KIF20B: variants seen among roughly 807,000 people sequenced by gnomAD.
The protein encoded by KIF20B is kinesin family member 20B, also known as kinesin-like protein KIF20B.
Under a neutral mutation model 232.5 loss-of-function variants are expected in KIF20B, and 188 were observed. That is an observed-to-expected ratio of 0.81 (90% CI 0.72 to 0.91). The LOEUF (loss-of-function observed/expected upper bound fraction) is 0.91. Among genes scored for constraint, KIF20B ranks in the 40% least tolerant of loss-of-function variants. KIF20B has a pLI of 0.00. For synonymous variants in KIF20B, 712 were observed against 683.0 expected (o/e 1.04, Z -0.66); for missense variants, 2,154 against 2,055.9 (o/e 1.05, Z -0.92).
intron 26 of KIF20B, among the ~76,000 whole-genome samples, chr10:89,757,038 GTGTATATATATA>G (rs1226280835): frequency 1.3e-5 from 1 of 79,074 alleles, no homozygotes; most frequent in African/African-American, 4.1e-5. Context: ...GTGTGTGTGT[GTGTATATATATA>G]TATATATATA....
Position 89,719,461 on chromosome 10 carries a change from T to C in KIF20B, c.1477T>C (p.Phe493Leu). 6.2e-7 allele frequency: 1 copy of C among 1,600,288 alleles called. No individual in the cohort carries two copies. ...TTTAAATTCCTCTCAAGAGAAATTA[T>C]TTGGACCTGTCAAATCTTCTCAAGA... ...DTLNSSQEKLFGPVKSSQDVS... is the reference protein window; with the variant it reads ...DTLNSSQEKLLGPVKSSQDVS... The change falls in exon 13 of 33, where the codon TTT becomes CTT. Residue 493 changes from phenylalanine (F) to leucine (L), a missense_variant. Phe to Leu is a conservative substitution (Grantham distance 22, BLOSUM62 0). Transcript: ENST00000371728.
intron 26 of KIF20B, among the ~76,000 whole-genome samples, chr10:89,755,573 C>T (rs1348641390): frequency 6.6e-6 from 1 of 151,182 alleles, no homozygotes; most frequent in Non-Finnish European, 1.5e-5. Flanking sequence ...CATCCCCTTC[C>T]CCTTCCCTTT....
rs1842934979 is a variant in KIF20B at position 89,716,416 on chromosome 10, A to AT, written c.941-19dup. On this transcript the variant is annotated intron_variant, in intron 8 of 32. Transcript: ENST00000371728. ...TCTTTGTCTCAATAAATTAATATAT[A>AT]TCCTCTTTATTTTTTAAAGATCTAC... 1.0e-6 allele frequency: 1 copy of AT among 1,002,480 alleles called. No homozygotes were observed. 62.1% of individuals were successfully genotyped at this position (1,002,480 alleles called of 1,614,324 possible).
intron 2 of KIF20B, 117 bp downstream of exon 2, chr10:89,705,558 GT>G: frequency 1.2e-6 from 1 of 828,752 alleles, no homozygotes; most frequent in Non-Finnish European, 1.8e-6. Flanking sequence ...GCTAAGAATT[GT>G]TTTTATATTT....
chr10:89,757,040 G>GTGTGTGTGTGTATA (rs1301847520), intron 26 of KIF20B, among the ~76,000 whole-genome samples: 4 of 110,748 alleles, frequency 3.6e-5, no homozygotes, highest in African/African-American at 1.0e-4. Context: ...GTGTGTGTGT[G>GTGTGTGTGTGTATA]TATATATATA....
At chr10:89,769,001 G>A in intron 31 of KIF20B, 113 bp downstream of exon 31, 1 of 849,318 alleles carries the variant, frequency 1.2e-6, no homozygotes, top group Non-Finnish European at 1.8e-6. Flanking sequence ...CTTCAAATAG[G>A]CATTGTCCTA....
At chr10:89,729,268 T>G in intron 18 of KIF20B, 21 bp downstream of exon 18, 1 of 1,447,652 alleles carries the variant, frequency 6.9e-7, no homozygotes, top group Non-Finnish European at 9.2e-7. Flanking sequence ...AACCTTGTGT[T>G]ATATTAATAA....
At chr10:89,762,384 A>T (rs563659453) in intron 28 of KIF20B, among the ~76,000 whole-genome samples, 1 of 152,294 alleles carries the variant, frequency 6.6e-6, no homozygotes, top group African/African-American at 2.4e-5. Context: ...GGAGTCTTTT[A>T]AACAAATTCT....
At chr10:89,773,314 G>A (rs116411520) in intron 32 of KIF20B, among the ~76,000 whole-genome samples, 3,033 of 152,006 alleles carry the variant, frequency 0.02, 36 homozygotes, top group African/African-American at 0.036. Context: ...CTGTCACAGG[G>A]AAAGCTCAAA....
intron 30 of KIF20B, 49 bp downstream of exon 30, chr10:89,768,440 G>A (rs1191777110): frequency 8.9e-7 from 1 of 1,118,696 alleles, no homozygotes; most frequent in African/African-American, 1.6e-5. Flanking sequence ...CAGAAATCCA[G>A]TTGTGTTCAA....
chr10:89,725,331 A>T (rs1415161866), intron 15 of KIF20B, among the ~76,000 whole-genome samples, 173 bp downstream of exon 15: 1 of 151,904 alleles, frequency 6.6e-6, no homozygotes, highest in Non-Finnish European at 1.5e-5. Context: ...CAAGAATTTA[A>T]ATATAATGAT....
intron 21 of KIF20B, among the ~76,000 whole-genome samples, chr10:89,742,505 T>C (rs1841820909): frequency 6.6e-6 from 1 of 152,184 alleles, no homozygotes; most frequent in African/African-American, 2.4e-5. Context: ...GCACATAGCC[T>C]CTATTATTGT....
At chr10:89,767,607 C>T (rs1302296699) in intron 29 of KIF20B, among the ~76,000 whole-genome samples, 1 of 151,998 alleles carries the variant, frequency 6.6e-6, no homozygotes, top group Non-Finnish European at 1.5e-5. Flanking sequence ...GGATTTGCAG[C>T]AGTTCAAGTC....
At chr10:89,756,387 C>T (rs1394474945) in intron 26 of KIF20B, among the ~76,000 whole-genome samples, 3 of 152,148 alleles carry the variant, frequency 2.0e-5, no homozygotes, top group Non-Finnish European at 4.4e-5. Flanking sequence ...CCAGTGGTTT[C>T]TCTGGTAGCA....
chr10:89,711,188 C>T (rs755030071), intron 6 of KIF20B, 43 bp downstream of exon 6: 9 of 1,243,294 alleles, frequency 7.2e-6, no homozygotes, highest in African/African-American at 1.5e-5. Context: ...TAATTCCTGA[C>T]TTCTTATAAA....
Position 89,739,081 on chromosome 10 carries a change from G to C in KIF20B, c.3900G>C (p.Lys1300Asn). 2 of 1,612,584 alleles carry C rather than the reference G, an allele frequency of 1.2e-6. No individual in the cohort carries two copies. The highest frequency in any genetic ancestry group is 1.7e-6 in the Non-Finnish European group (2 of 1,179,370). Residue 1300 changes from lysine to asparagine, a missense_variant, in exon 21 of 33, where the codon AAG becomes AAC. Transcript: ENST00000371728. Reference protein sequence around the residue: ...EKLTDAKKQIKQVQKEVSVMR... With the variant: ...EKLTDAKKQINQVQKEVSVMR... ...TGACTGATGCCAAAAAGCAGATTAAGCAAGTACAGAAAGAGGTAGGTTATT... is the reference window on the plus strand; with the variant it reads ...TGACTGATGCCAAAAAGCAGATTAACCAAGTACAGAAAGAGGTAGGTTATT...
At position 89,717,696 on chromosome 10, in the gene KIF20B, C is replaced by G; in HGVS notation, c.1245C>G (p.Asn415Lys). The change falls in exon 11 of 33, where the codon AAC (asparagine) becomes AAG (lysine). Residue 415 changes from asparagine (N) to lysine (K), a missense_variant. Asn to Lys is a moderately conservative substitution (Grantham distance 94). Transcript: ENST00000371728. Reference protein sequence around the residue: ...TSLLTLGKCINVLKNSEKSKF... With the variant: ...TSLLTLGKCIKVLKNSEKSKF... ...TATTGACTCTGGGAAAGTGTATTAACGTCTTGAAGAATAGTGAAAAGTCAA... is the reference window on the plus strand; with the variant it reads ...TATTGACTCTGGGAAAGTGTATTAAGGTCTTGAAGAATAGTGAAAAGTCAA... The G allele has an allele frequency of 6.2e-7, 1 of 1,601,172 alleles. No individual in the cohort carries two copies. Among genetic ancestry groups the G allele is most frequent in the Admixed American group, 1.7e-5 (1 of 58,454 alleles).
intron 20 of KIF20B, 147 bp from the exon 21 acceptor site, chr10:89,738,811 G>A (rs1427062352): frequency 8.7e-7 from 1 of 1,153,344 alleles, no homozygotes; most frequent in East Asian, 2.5e-5. Flanking sequence ...AAAATCATAT[G>A]AAATATTTTC....
chr10:89,773,271 A>G lies in KIF20B; in HGVS notation c.5385+440A>G, dbSNP rs114082034. On this transcript the variant is annotated intron_variant, in intron 32 of 32. Coordinates refer to ENST00000371728, the MANE Select transcript of KIF20B (RefSeq NM_001284259.2). ...AGACTGTAGTTATCACCCTGAGTCT[A>G]TGATTCATTCTCCTGATTCAGAACA... is the stretch of plus-strand genomic sequence containing the variant. Among the ~76,000 whole-genome samples, 579 of 152,160 alleles carry G rather than the reference A, an allele frequency of 3.8e-3. 5 individuals carry two copies. The highest frequency in any genetic ancestry group is 0.013 in the African/African-American group (550 of 41,544).
Sources: allele counts gnomAD v4.1 joint callset (sites outside exome capture counted in the v4.1 genomes callset), GRCh38; gene constraint gnomAD v4.1.1; transcripts MANE v1.5; gene names NCBI Gene and HGNC (gene_info 2026-07-23, HGNC 2026-07-21).